FAM117A: variants seen among roughly 807,000 people sequenced by gnomAD.
FAM117A encodes protein FAM117A.
In FAM117A, 21 loss-of-function variants were observed where a neutral mutation model predicts 44.1. That is an observed-to-expected ratio of 0.48 (90% CI 0.34 to 0.69). The LOEUF is 0.69. FAM117A is among the 30% of genes least tolerant of loss of function. FAM117A has a pLI of 0.01. For missense variants in FAM117A, 498 were observed against 589.9 expected (o/e 0.84, Z 1.61); for synonymous variants, 220 against 238.3 (o/e 0.92, Z 0.71).
At chr17:49,753,735 G>A (rs988287668) in intron 1 of FAM117A, among the ~76,000 whole-genome samples, 1 of 152,194 alleles carries the variant, frequency 6.6e-6, no homozygotes. Context: ...AGTCAGCAGA[G>A]ATTGTGCCAC....
At chr17:49,775,015 GC>G (rs1381341441) in intron 1 of FAM117A, among the ~76,000 whole-genome samples, 8 of 151,954 alleles carry the variant, frequency 5.3e-5, no homozygotes, top group Non-Finnish European at 1.2e-4. Flanking sequence ...CCACCCTCTG[GC>G]CCCCCTCTGT....
intron 1 of FAM117A, among the ~76,000 whole-genome samples, chr17:49,746,028 G>A (rs965555100): frequency 2.6e-5 from 4 of 152,164 alleles, no homozygotes; most frequent in African/African-American, 9.7e-5. Flanking sequence ...TATGGAGAAG[G>A]ATGTTTTTAT....
chr17:49,782,376 CAAAAAAAAAA>C (rs1193854249), intron 1 of FAM117A, among the ~76,000 whole-genome samples: 2 of 18,112 alleles, frequency 1.1e-4, no homozygotes, highest in East Asian at 1.5e-3. Context: ...GACTCCGTCT[CAAAAAAAAAA>C]AAAAAAAAAA....
At chr17:49,780,845 T>G (rs910803557) in intron 1 of FAM117A, among the ~76,000 whole-genome samples, 2 of 152,074 alleles carry the variant, frequency 1.3e-5, no homozygotes, top group African/African-American at 4.8e-5. Context: ...TGCCTTTTCT[T>G]TTTGAGATGG....
At chr17:49,728,855 C>T (rs1003945393) in intron 2 of FAM117A, among the ~76,000 whole-genome samples, 4 of 152,200 alleles carry the variant, frequency 2.6e-5, no homozygotes, top group African/African-American at 7.2e-5. Context: ...AGCACTTCTT[C>T]CCCAATTACC....
At chr17:49,785,763 G>A (rs968849554) in intron 1 of FAM117A, among the ~76,000 whole-genome samples, 3 of 152,070 alleles carry the variant, frequency 2.0e-5, no homozygotes, top group African/African-American at 4.8e-5. Flanking sequence ...ATATCATTAC[G>A]CCCTACTACC....
intron 6 of FAM117A, among the ~76,000 whole-genome samples, chr17:49,717,080 A>G (rs2073508014): frequency 6.6e-6 from 1 of 152,192 alleles, no homozygotes; most frequent in Non-Finnish European, 1.5e-5. Flanking sequence ...AAAAAAAAAA[A>G]ATGAGTTTTG....
chr17:49,715,567 G>C (rs1403189620), intron 7 of FAM117A, among the ~76,000 whole-genome samples: 1 of 152,174 alleles, frequency 6.6e-6, no homozygotes, highest in East Asian at 1.9e-4. Context: ...ATCAACAGAA[G>C]AATGGCTTCT....
chr17:49,712,295 C>T (rs978555523), intron 7 of FAM117A, among the ~76,000 whole-genome samples: 3 of 152,108 alleles, frequency 2.0e-5, no homozygotes, highest in African/African-American at 4.8e-5. Flanking sequence ...TTCTTTGTTG[C>T]GGGGTGGGGA....
At chr17:49,785,362 A>C (rs1357182615) in intron 1 of FAM117A, among the ~76,000 whole-genome samples, 2 of 152,180 alleles carry the variant, frequency 1.3e-5, no homozygotes, top group African/African-American at 2.4e-5. Flanking sequence ...TAATTTAAAA[A>C]TTAGCCAGGC....
intron 1 of FAM117A, among the ~76,000 whole-genome samples, chr17:49,760,895 C>T (rs1167700562): frequency 6.6e-6 from 1 of 152,186 alleles, no homozygotes; most frequent in Admixed American, 6.5e-5. Flanking sequence ...CCAATAATGG[C>T]TCTTAGCTTT....
intron 1 of FAM117A, among the ~76,000 whole-genome samples, chr17:49,754,691 C>G (rs1181193724): frequency 6.6e-6 from 1 of 152,068 alleles, no homozygotes; most frequent in East Asian, 1.9e-4. Context: ...GCTGCCTATG[C>G]TCCCAATCAC....
At chr17:49,776,985 T>C (rs967053269) in intron 1 of FAM117A, among the ~76,000 whole-genome samples, 1 of 152,192 alleles carries the variant, frequency 6.6e-6, no homozygotes, top group Non-Finnish European at 1.5e-5. Flanking sequence ...TCCCCACCTC[T>C]TGGGTGGGGC....
At chr17:49,774,335 A>G (rs1282578294) in intron 1 of FAM117A, among the ~76,000 whole-genome samples, 1 of 147,308 alleles carries the variant, frequency 6.8e-6, no homozygotes, top group African/African-American at 2.5e-5. Context: ...TTGTAGAGGC[A>G]TGGTTTTGTC....
chr17:49,753,852 G>A (rs9894446), intron 1 of FAM117A, among the ~76,000 whole-genome samples: 5,221 of 152,160 alleles, frequency 0.034, 332 homozygotes, highest in African/African-American at 0.12. Flanking sequence ...GAAAAATACA[G>A]GTGAATTTTT....
In FAM117A at chr17:49,769,218, C is replaced by G. The variant is rs537429313; in HGVS notation, c.-621+19279G>C. Among the ~76,000 whole-genome samples, 31 of 152,048 alleles carry G rather than the reference C, an allele frequency of 2.0e-4. 1 individual carries two copies. The highest frequency in any genetic ancestry group is 6.8e-4 in the African/African-American group (28 of 41,454). On this transcript the variant is annotated intron_variant, in intron 1 of 7. Transcript: ENST00000513602. ...GCTGAGATAGAAGAATCCCTTGAACCCGGGAGGCGGAGGCTGCAGTAAGCC... is the reference window on the plus strand; with the variant it reads ...GCTGAGATAGAAGAATCCCTTGAACGCGGGAGGCGGAGGCTGCAGTAAGCC...
intron 1 of FAM117A, among the ~76,000 whole-genome samples, chr17:49,785,550 G>C (rs918547056): frequency 6.6e-6 from 1 of 152,078 alleles, no homozygotes; most frequent in African/African-American, 2.4e-5. Flanking sequence ...TTGTCCAAGA[G>C]TAATGCAGGT....
At chr17:49,742,155 T>C (rs139870943) in intron 1 of FAM117A, among the ~76,000 whole-genome samples, 1 of 152,320 alleles carries the variant, frequency 6.6e-6, no homozygotes, top group East Asian at 1.9e-4. Flanking sequence ...ACGATATTTG[T>C]ACACACATGA....
intron 7 of FAM117A, 35 bp downstream of exon 7, chr17:49,716,125 CACCCT>C: frequency 1.3e-6 from 2 of 1,506,110 alleles, no homozygotes; most frequent in Non-Finnish European, 1.8e-6. Context: ...AATGTAGGCC[CACCCT>C]CCCCTCCCAC....
Sources: gnomAD v4.1 joint callset for allele counts (sites outside exome capture counted in the v4.1 genomes callset) on GRCh38, gnomAD v4.1.1 for gene constraint, MANE v1.5 for transcripts, NCBI Gene and HGNC (gene_info 2026-07-23, HGNC 2026-07-21) for gene names.